Variants in SEMA4D observed in about 807,000 individuals in gnomAD.
SEMA4D encodes semaphorin 4D.
SEMA4D carries 22 observed loss-of-function variants against 74.8 expected under a neutral mutation model. That is an observed-to-expected ratio of 0.29 (90% CI 0.21 to 0.42). SEMA4D has a LOEUF of 0.42. Among genes scored for constraint, SEMA4D ranks in the 10% least tolerant of loss-of-function variants. SEMA4D has a pLI of 1.00. For synonymous variants in SEMA4D, 445 were observed against 463.7 expected (o/e 0.96, Z 0.52); for missense variants, 937 against 1,118.4 (o/e 0.84, Z 2.31).
At chr9:89,442,437 T>C (rs191029647) in intron 2 of SEMA4D, among the ~76,000 whole-genome samples, 3 of 151,402 alleles carry the variant, frequency 2.0e-5, no homozygotes, top group Admixed American at 6.6e-5. Flanking sequence ...TGCAGTGGAA[T>C]AGAAAAAATT....
At chr9:89,385,866 G>GGGGGGGGGGGGGCCCCCCCC in intron 13 of SEMA4D, 1 of 196,226 alleles carries the variant, frequency 5.1e-6, no homozygotes, top group Non-Finnish European at 9.0e-6. Context: ...CAGCGTGGAT[G>GGGGGGGGGGGGGCCCCCCCC]CCCGCCCACC....
intron 2 of SEMA4D, among the ~76,000 whole-genome samples, chr9:89,421,815 G>A (rs1298551735): frequency 6.6e-6 from 1 of 152,186 alleles, no homozygotes; most frequent in African/African-American, 2.4e-5. Context: ...GTGTGTGTGT[G>A]TGGGTGTGCA....
chr9:89,409,343 T>C (rs531623214), intron 2 of SEMA4D, among the ~76,000 whole-genome samples: 2 of 152,268 alleles, frequency 1.3e-5, no homozygotes, highest in African/African-American at 4.8e-5. Flanking sequence ...CATGTCAGTA[T>C]GCATTTGTCC....
In SEMA4D at chr9:89,450,659, G is replaced by GAAAAAAAAAAAAAAAAAAAAAAA. The variant is rs1564832883; in HGVS notation, c.-244+5228_-244+5229insTTTTTTTTTTTTTTTTTTTTTTT. The GAAAAAAAAAAAAAAAAAAAAAAA allele has an allele frequency of 2.1e-4, 88 of 421,236 alleles. 20 individuals carry two copies. Among genetic ancestry groups the GAAAAAAAAAAAAAAAAAAAAAAA allele is most frequent in the African/African-American group, 2.5e-4 (8 of 32,566 alleles). The allele number at this position is 421,236 out of a possible 1,614,324, so 26.1% of individuals were successfully genotyped here. On this transcript the variant is annotated intron_variant, in intron 2 of 15. Transcript: ENST00000422704. The stretch of plus-strand genomic sequence containing the variant: ...AGAGTTCTGCAAGTCGAAAAACCCA[G>GAAAAAAAAAAAAAAAAAAAAAAA]GAAAAAAAAAAAAAAAAAAAAAAAA...
chr9:89,431,952 A>C (rs142991353), intron 2 of SEMA4D, among the ~76,000 whole-genome samples: 1 of 152,280 alleles, frequency 6.6e-6, no homozygotes, highest in Non-Finnish European at 1.5e-5. Context: ...GCTCTGGTTC[A>C]TCTATGCTAT....
At position 89,461,700 on chromosome 9, in the gene SEMA4D, C is replaced by CTCTCTCTTTTTTTTTTTTTTTT. The variant is rs71281350; in HGVS notation, c.-309-5748_-309-5747insAAAAAAAAAAAAAAAAGAGAGA. Among the ~76,000 whole-genome samples the CTCTCTCTTTTTTTTTTTTTTTT allele has an allele frequency of 8.2e-4, 85 of 103,644 alleles. 2 individuals carry two copies. The highest frequency in any genetic ancestry group is 5.5e-3 in the Middle Eastern group (1 of 182). 68.0% of individuals were successfully genotyped at this position (103,644 alleles called of 152,430 possible). On this transcript the variant is annotated intron_variant, in intron 1 of 15. Coordinates refer to ENST00000422704, the MANE Select transcript of SEMA4D (RefSeq NM_001371194.2). The stretch of plus-strand genomic sequence containing the variant: ...GGGCCAATGTGTATTTCTTTTTTCT[C>CTCTCTCTTTTTTTTTTTTTTTT]TTTTTTTTTTTTTTTTTTTGGAGAC...
rs1190652001 is a variant in SEMA4D, at chr9:89,455,960, CAGAGTT to C, written c.-309-13_-309-8del. ...TATCTGGTGTTAGCAGAGTCTGAAACAGAGTTAGAAAAGGGCACATTTTAGCAGGAT... is the reference window on the plus strand; with the variant it reads ...TATCTGGTGTTAGCAGAGTCTGAAACAGAAAAGGGCACATTTTAGCAGGAT... On this transcript the variant is annotated splice_polypyrimidine_tract_variant and splice_region_variant and intron_variant, in intron 1 of 15. Transcript: ENST00000422704. 1 of 152,252 alleles carries C rather than the reference CAGAGTT, an allele frequency of 6.6e-6. No individual in the cohort carries two copies. Among genetic ancestry groups the C allele is most frequent in the African/African-American group, 2.4e-5 (1 of 41,462 alleles). The allele number at this position is 152,252 out of a possible 1,614,324, so 9.4% of individuals were successfully genotyped here.
chr9:89,379,879 A>G (rs895708772), intron 15 of SEMA4D, among the ~76,000 whole-genome samples: 3 of 152,190 alleles, frequency 2.0e-5, no homozygotes, highest in Admixed American at 1.3e-4. Context: ...CCCGTGTCCC[A>G]GAAGAAAACG....
chr9:89,423,788 TGCCTCCCCTCCCTCC>T (rs1847496818), intron 2 of SEMA4D, among the ~76,000 whole-genome samples: 2 of 76,324 alleles, frequency 2.6e-5, no homozygotes, highest in African/African-American at 4.8e-5. Context: ...ACTCCCTCAG[TGCCTCCCCTCCCTCC>T]ACTAATCCCT....
intron 8 of SEMA4D, 49 bp downstream of exon 8, chr9:89,392,374 C>A (rs745320614): frequency 1.4e-6 from 2 of 1,384,162 alleles, no homozygotes; most frequent in Non-Finnish European, 2.1e-6. Flanking sequence ...CAGGTGTGCA[C>A]TCATGAGGAG....
chr9:89,449,494 G>A (rs2135380208), intron 2 of SEMA4D: 2 of 737,468 alleles, frequency 2.7e-6, no homozygotes, highest in South Asian at 2.8e-5. Context: ...CACAGCCTGT[G>A]GCTGGGAAGG....
downstream of SEMA4D, among the ~76,000 whole-genome samples, chr9:89,375,548 C>G (rs1257523489): frequency 6.6e-6 from 1 of 152,250 alleles, no homozygotes; most frequent in Non-Finnish European, 1.5e-5. Context: ...TCAGGAGCTA[C>G]TGACAGTGTG....
At chr9:89,375,244 G>C (rs75993587), downstream of SEMA4D, among the ~76,000 whole-genome samples, 1 of 152,300 alleles carries the variant, frequency 6.6e-6, no homozygotes, top group Non-Finnish European at 1.5e-5. Context: ...TCTCCATGGA[G>C]ACATGAAGTC....
At chr9:89,396,683 C>A in intron 6 of SEMA4D, 54 bp downstream of exon 6, 27 of 1,473,066 alleles carry the variant, frequency 1.8e-5, no homozygotes, top group Non-Finnish European at 2.4e-5. Flanking sequence ...CCCCCTTCTA[C>A]TTTAACTGCT....
At chr9:89,460,840 G>A (rs1857032243) in intron 1 of SEMA4D, among the ~76,000 whole-genome samples, 1 of 152,234 alleles carries the variant, frequency 6.6e-6, no homozygotes, top group South Asian at 2.1e-4. Context: ...CCCTCCTCCT[G>A]CAGACAGGCA....
chr9:89,414,470 G>A (rs942052472), intron 2 of SEMA4D, among the ~76,000 whole-genome samples: 1 of 152,174 alleles, frequency 6.6e-6, no homozygotes, highest in African/African-American at 2.4e-5. Context: ...CTGGGAAACA[G>A]AAGACACCAC....
downstream of SEMA4D, chr9:89,376,874 A>C (rs1835865897): frequency 7.7e-6 from 12 of 1,550,808 alleles, no homozygotes; most frequent in Non-Finnish European, 1.0e-5. Context: ...CAGGGCGTGC[A>C]CGTGCTGTGC....
chr9:89,392,618 G>A (rs1299554724), intron 7 of SEMA4D, 82 bp from the exon 8 acceptor site: 10 of 867,388 alleles, frequency 1.2e-5, no homozygotes, highest in Non-Finnish European at 1.7e-5. Context: ...CATTCAACAC[G>A]GTGTTTTCCT....
At chr9:89,363,311 G>T (rs1488528355) in intron 18 of SEMA4D, 1 of 1,440,998 alleles carries the variant, frequency 6.9e-7, no homozygotes, top group Non-Finnish European at 9.3e-7. Context: ...CTGCTCCGGG[G>T]CTAAGAGGGA....
Sources: allele counts gnomAD v4.1 joint callset (sites outside exome capture counted in the v4.1 genomes callset), GRCh38; gene constraint gnomAD v4.1.1; transcripts MANE v1.5; gene names NCBI Gene and HGNC (gene_info 2026-07-23, HGNC 2026-07-21).